The following LRPPRC variants were observed in gnomAD, a reference collection of about 807,000 sequenced individuals.
LRPPRC encodes the protein leucine-rich PPR motif-containing protein, mitochondrial.
A neutral mutation model predicts 180.3 loss-of-function variants in LRPPRC; 120 were observed. The observed-to-expected ratio is 0.67, with a 90% CI of 0.57 to 0.77. LRPPRC has a LOEUF of 0.77. Among genes scored for constraint, LRPPRC ranks in the 30% least tolerant of loss-of-function variants. LRPPRC has a pLI of 0.00. For missense variants in LRPPRC, 2,012 were observed against 1,657.2 expected (o/e 1.21, Z -3.72); for synonymous variants, 723 against 600.0 (o/e 1.21, Z -3.00).
intron 23 of LRPPRC, among the ~76,000 whole-genome samples, chr2:43,937,894 CCAAT>C (rs1182116493): frequency 1.3e-5 from 2 of 152,264 alleles, no homozygotes; most frequent in East Asian, 3.9e-4. Flanking sequence ...CAACACATTA[CCAAT>C]CAGTCTACTT....
Position 43,942,113 on chromosome 2 carries a change from G to A in LRPPRC, c.2504+1574C>T, listed in dbSNP as rs183636087. On this transcript the variant is annotated intron_variant, in intron 23 of 37. Coordinates refer to ENST00000260665, the MANE Select transcript of LRPPRC (RefSeq NM_133259.4). ...TGGGTAAGCTCTCCTTGGTTCATGAGCCCCATCTGCAGACCTCTTTCGGAA... is the reference window on the plus strand; with the variant it reads ...TGGGTAAGCTCTCCTTGGTTCATGAACCCCATCTGCAGACCTCTTTCGGAA... Among the ~76,000 whole-genome samples, 5 of 152,126 alleles carry A rather than the reference G, an allele frequency of 3.3e-5. No homozygotes were observed. The East Asian group carries it at 7.7e-4, about 23-fold the overall frequency.
intron 37 of LRPPRC, 51 bp from the exon 38 acceptor site, chr2:43,888,707 G>T: frequency 1.0e-6 from 1 of 973,974 alleles, no homozygotes; most frequent in South Asian, 1.3e-5. Flanking sequence ...AAGAGGTGAT[G>T]GTACATAACT....
chr2:43,942,499 C>T (rs1000963160), intron 23 of LRPPRC, among the ~76,000 whole-genome samples: 2 of 152,056 alleles, frequency 1.3e-5, no homozygotes, highest in African/African-American at 4.8e-5. Context: ...AGTCATCTAA[C>T]CCGGTAATTG....
At position 43,901,322 on chromosome 2, in the gene LRPPRC, C is replaced by T; in HGVS notation, c.3567G>A (p.Lys1189=). The change falls in exon 32 of 38, where the codon AAG becomes AAA. Residue 1189 remains lysine, a splice_region_variant and synonymous_variant. Transcript: ENST00000260665. ...FINNIALAQI[K]NNNIDAAIEN... ...AAAGAAGGCTTGCAAATACTCACTT[C>T]TTTATTTGAGCCAAAGCAATGTTAT... 6.2e-7 allele frequency: 1 copy of T among 1,612,602 alleles called. No homozygotes were observed. Among genetic ancestry groups the T allele is most frequent in the Non-Finnish European group, 8.5e-7 (1 of 1,178,948 alleles).
At chr2:43,952,322 A>C (rs1672940295) in intron 14 of LRPPRC, among the ~76,000 whole-genome samples, 1 of 152,232 alleles carries the variant, frequency 6.6e-6, no homozygotes, top group Admixed American at 6.5e-5. Context: ...GACTAAAAGC[A>C]CTACCTTGAA....
chr2:43,977,495 T>G (rs1332978835), intron 3 of LRPPRC, among the ~76,000 whole-genome samples: 1 of 152,190 alleles, frequency 6.6e-6, no homozygotes, highest in Non-Finnish European at 1.5e-5. Context: ...TACAAGTAAC[T>G]GCCTATTCGG....
rs147302249 is a variant in LRPPRC, at chr2:43,889,784, C to A, written c.4078G>T (p.Ala1360Ser). Residue 1360 changes from alanine to serine, a missense_variant, in exon 37 of 38, where the codon GCA (alanine) becomes TCA (serine). Coordinates refer to ENST00000260665, the MANE Select transcript of LRPPRC (RefSeq NM_133259.4). ...KLDDLFLKRY[A>S]SLLKYAGEPV... Reference sequence around the variant, plus strand: ...TCTCCAGCATACTTCAGCAAAGATGCGTAACGCTTTAGAAACAGATCATCC... The same window carrying A: ...TCTCCAGCATACTTCAGCAAAGATGAGTAACGCTTTAGAAACAGATCATCC... The A allele has an allele frequency of 1.9e-6, 3 of 1,611,740 alleles. No homozygotes were observed. The highest frequency in any genetic ancestry group is 1.7e-5 in the Admixed American group (1 of 60,014).
Position 43,899,539 on chromosome 2 carries a change from T to C in LRPPRC, c.3636A>G (p.Glu1212=). ...NMLTSENKVI[E]PQYFGLAYLF... ...AGTATGCCAAGCCGAAGTATTGGGG[T>C]TCAATGACTTTATTCTCTGAAGTAA... The change falls in exon 33 of 38, where the codon GAA becomes GAG. Residue 1212 remains glutamate (E), a synonymous_variant. Coordinates refer to ENST00000260665, the MANE Select transcript of LRPPRC (RefSeq NM_133259.4). 6.2e-7 allele frequency: 1 copy of C among 1,612,128 alleles called. No individual in the cohort carries two copies. Among genetic ancestry groups the C allele is most frequent in the Non-Finnish European group, 8.5e-7 (1 of 1,178,186 alleles).
chr2:43,985,096 T>C (rs1305693533), intron 1 of LRPPRC, among the ~76,000 whole-genome samples: 5 of 151,532 alleles, frequency 3.3e-5, no homozygotes, highest in Non-Finnish European at 7.4e-5. Context: ...ATTATCCTAC[T>C]AAGCAGGCTT....
chr2:43,901,480 G>T lies in LRPPRC; in HGVS notation c.3409C>A (p.Pro1137Thr). ...LKTVLDQQQT[P>T]SRLAVTRVIQ... ...ACACGGGTCACTGCTAACCTAGAAG[G>T]GGTCTGCTGCTGATCCAATACTGTT... The change falls in exon 32 of 38, where the codon CCT becomes ACT. Residue 1137 changes from proline (P) to threonine (T), a missense_variant. Transcript: ENST00000260665. The T allele has an allele frequency of 1.9e-6, 3 of 1,614,010 alleles. No homozygotes were observed. The highest frequency in any genetic ancestry group is 1.1e-5 in the South Asian group (1 of 91,074).
chr2:43,932,003 T>C (rs1433886688), intron 25 of LRPPRC, among the ~76,000 whole-genome samples: 1 of 151,374 alleles, frequency 6.6e-6, no homozygotes, highest in South Asian at 2.1e-4. Flanking sequence ...TGAAGTGTTG[T>C]AGAAAGGACT....
At chr2:43,927,603 A>G (rs1671934137) in intron 25 of LRPPRC, among the ~76,000 whole-genome samples, 1 of 152,228 alleles carries the variant, frequency 6.6e-6, no homozygotes, top group African/African-American at 2.4e-5. Context: ...AGCCCTTGAA[A>G]AACTATGAAA....
chr2:43,926,652 C>A (rs1220792998), intron 25 of LRPPRC, among the ~76,000 whole-genome samples: 2 of 152,214 alleles, frequency 1.3e-5, no homozygotes, highest in African/African-American at 4.8e-5. Context: ...CAGGCATGGG[C>A]CACCACACCT....
chr2:43,975,220 A>G lies in LRPPRC; in HGVS notation c.738-3T>C. 1 of 1,612,036 alleles carries G rather than the reference A, an allele frequency of 6.2e-7. No homozygotes were observed. Among genetic ancestry groups the G allele is most frequent in the Non-Finnish European group, 8.5e-7 (1 of 1,179,410 alleles). ...TGTTTTCTGCATTCTCCATATCACTACAAGTTAATTCAAAAAACAGATTAT... is the reference window on the plus strand; with the variant it reads ...TGTTTTCTGCATTCTCCATATCACTGCAAGTTAATTCAAAAAACAGATTAT... On this transcript the variant is annotated splice_region_variant and splice_polypyrimidine_tract_variant and intron_variant, in intron 6 of 37. Transcript: ENST00000260665.
intron 25 of LRPPRC, among the ~76,000 whole-genome samples, chr2:43,931,835 A>T (rs1014204921): frequency 1.3e-5 from 2 of 152,108 alleles, no homozygotes; most frequent in Non-Finnish European, 2.9e-5. Context: ...GAAGCTCTTT[A>T]GCAAAGGTGA....
At chr2:43,930,143 A>T (rs940593721) in intron 25 of LRPPRC, among the ~76,000 whole-genome samples, 5 of 152,154 alleles carry the variant, frequency 3.3e-5, no homozygotes, top group Non-Finnish European at 7.3e-5. Context: ...GTCTTAAATC[A>T]AAAGCCATCA....
intron 3 of LRPPRC, 101 bp downstream of exon 3, chr2:43,979,725 C>T (rs960052039): frequency 1.0e-6 from 1 of 994,670 alleles, no homozygotes; most frequent in Middle Eastern, 2.5e-4. Context: ...AGTAGCCCTT[C>T]CATAAAACTG....
At chr2:43,939,120 A>C (rs937004777) in intron 23 of LRPPRC, among the ~76,000 whole-genome samples, 2 of 148,384 alleles carry the variant, frequency 1.3e-5, no homozygotes, top group Non-Finnish European at 1.5e-5. Context: ...AAAATACAAA[A>C]AAAAAAAAAA....
intron 35 of LRPPRC, 79 bp from the exon 36 acceptor site, chr2:43,894,708 T>G: frequency 2.6e-6 from 2 of 773,474 alleles, no homozygotes; most frequent in Non-Finnish European, 4.7e-6. Context: ...CAACACTATA[T>G]TAAAAATTTT....
Sources: gnomAD v4.1 joint callset for allele counts (sites outside exome capture counted in the v4.1 genomes callset) on GRCh38, gnomAD v4.1.1 for gene constraint, MANE v1.5 for transcripts, NCBI Gene and HGNC (gene_info 2026-07-23, HGNC 2026-07-21) for gene names.